Variants in CFAP210 observed in about 807,000 individuals in gnomAD.
CFAP210 encodes the protein cilia- and flagella- associated protein 210.
the CFAP210 span, among the ~76,000 whole-genome samples, chr2:169,652,065 T>C: frequency 6.6e-6 from 1 of 152,146 alleles, no homozygotes; most frequent in Non-Finnish European, 1.5e-5. Flanking sequence ...TAAGAATACA[T>C]CTTGTTAAAT....
the CFAP210 span, chr2:169,694,165 A>T: frequency 8.3e-7 from 1 of 1,205,362 alleles, no homozygotes; most frequent in Non-Finnish European, 1.2e-6. Context: ...TCCATTTCAA[A>T]AGGCAACTGA....
chr2:169,670,780 T>A, the CFAP210 span, among the ~76,000 whole-genome samples: 1 of 152,176 alleles, frequency 6.6e-6, no homozygotes, highest in East Asian at 1.9e-4. Context: ...GAAGCCACAT[T>A]GCCTTTAGTA....
At chr2:169,652,626 TAATAAA>T in the CFAP210 span, among the ~76,000 whole-genome samples, 6 of 152,058 alleles carry the variant, frequency 3.9e-5, no homozygotes, top group Non-Finnish European at 8.8e-5. Flanking sequence ...AAAAAAGTTT[TAATAAA>T]AATAAAAATC....
chr2:169,666,789 T>C, the CFAP210 span, among the ~76,000 whole-genome samples: 2 of 152,188 alleles, frequency 1.3e-5, no homozygotes, highest in Non-Finnish European at 2.9e-5. Context: ...GCTGCTGCTT[T>C]ATCAACTAAG....
the CFAP210 span, among the ~76,000 whole-genome samples, chr2:169,652,370 TA>T: frequency 6.6e-6 from 1 of 152,212 alleles, no homozygotes; most frequent in Non-Finnish European, 1.5e-5. Context: ...AATAGTATTT[TA>T]AACAGTTTTA....
chr2:169,686,892 A>C, the CFAP210 span, among the ~76,000 whole-genome samples: 5 of 152,308 alleles, frequency 3.3e-5, no homozygotes, highest in Non-Finnish European at 5.9e-5. Flanking sequence ...CTGCTGATAA[A>C]GACATACCTG....
At chr2:169,661,260 C>G in the CFAP210 span, 1 of 557,482 alleles carries the variant, frequency 1.8e-6, no homozygotes, top group Admixed American at 1.9e-5. Flanking sequence ...CTCTGTATGA[C>G]TGTAAGTCCT....
At chr2:169,647,809 T>A in the CFAP210 span, among the ~76,000 whole-genome samples, 1 of 152,068 alleles carries the variant, frequency 6.6e-6, no homozygotes, top group Non-Finnish European at 1.5e-5. Flanking sequence ...TGATAAGAGA[T>A]TTAATACACA....
At chr2:169,669,311 C>T in the CFAP210 span, among the ~76,000 whole-genome samples, 141 of 152,136 alleles carry the variant, frequency 9.3e-4, no homozygotes, top group Admixed American at 4.1e-3. Flanking sequence ...GAGGAGGTTG[C>T]GAAGTAGGCA....
the CFAP210 span, among the ~76,000 whole-genome samples, chr2:169,679,163 C>G: frequency 6.6e-6 from 1 of 152,134 alleles, no homozygotes; most frequent in Non-Finnish European, 1.5e-5. Flanking sequence ...TACCTCATTG[C>G]ATATAAGCAC....
At chr2:169,686,616 A>G in the CFAP210 span, among the ~76,000 whole-genome samples, 61,923 of 151,914 alleles carry the variant, frequency 0.41, 12,906 homozygotes, top group Non-Finnish European at 0.44. Flanking sequence ...GCTAGCTCAG[A>G]TCTCTCTTCC....
At chr2:169,680,246 CAACTATACCAAGTGTTGTTG>C in the CFAP210 span, among the ~76,000 whole-genome samples, 4 of 152,000 alleles carry the variant, frequency 2.6e-5, no homozygotes, top group East Asian at 7.7e-4. Flanking sequence ...TTAAAAAGAC[CAACTATACCAAGTGTTGTTG>C]AGGATGGAGA....
the CFAP210 span, among the ~76,000 whole-genome samples, chr2:169,671,367 T>C: frequency 6.6e-6 from 1 of 152,200 alleles, no homozygotes; most frequent in African/African-American, 2.4e-5. Flanking sequence ...CTGGGTCAGA[T>C]ACTCATTTTA....
the CFAP210 span, among the ~76,000 whole-genome samples, chr2:169,690,329 G>A: frequency 0.014 from 2,151 of 152,238 alleles, 9 homozygotes; most frequent in Middle Eastern, 0.041. Context: ...AAAAGTTTTT[G>A]AAGGATTTAT....
chr2:169,662,504 T>A, the CFAP210 span: 1 of 1,339,288 alleles, frequency 7.5e-7, no homozygotes, highest in Non-Finnish European at 1.0e-6. Flanking sequence ...AAGAAATGAA[T>A]TCAATTCCAA....
the CFAP210 span, among the ~76,000 whole-genome samples, chr2:169,669,758 C>A: frequency 1.4e-5 from 2 of 142,770 alleles, no homozygotes. Context: ...CTGGGCGACA[C>A]AGCGAGACTC....
chr2:169,669,691 T>G, the CFAP210 span, among the ~76,000 whole-genome samples: 1 of 150,242 alleles, frequency 6.7e-6, no homozygotes, highest in African/African-American at 2.5e-5. Flanking sequence ...TGGATAAAGA[T>G]GCCGCTGGAG....
chr2:169,679,381 A>G, the CFAP210 span, among the ~76,000 whole-genome samples: 1 of 152,086 alleles, frequency 6.6e-6, no homozygotes, highest in Non-Finnish European at 1.5e-5. Flanking sequence ...CTCCATCCTT[A>G]AGCAGGTGCC....
At chr2:169,693,525 G>A in the CFAP210 span, among the ~76,000 whole-genome samples, 2 of 152,178 alleles carry the variant, frequency 1.3e-5, no homozygotes, top group Non-Finnish European at 2.9e-5. Flanking sequence ...ACAGAAGCTC[G>A]GGCAATGACA....
Sources: allele counts gnomAD v4.1 joint callset (sites outside exome capture counted in the v4.1 genomes callset), GRCh38; gene constraint gnomAD v4.1.1; transcripts MANE v1.5; gene names NCBI Gene and HGNC (gene_info 2026-07-23, HGNC 2026-07-21).